The following GSN variants were observed in gnomAD, a reference collection of about 807,000 sequenced individuals.
GSN encodes the protein gelsolin.
A neutral mutation model predicts 85.7 loss-of-function variants in GSN; 56 were observed. The ratio of observed to expected loss-of-function variants is 0.65; its 90% confidence interval spans 0.53 to 0.82. The LOEUF is 0.82. GSN is among the 40% of genes least tolerant of loss of function. GSN has a pLI of 0.00. For synonymous variants in GSN, 373 were observed against 399.1 expected, an observed-to-expected ratio of 0.93 and a Z score of 0.78; for missense variants, 857 against 979.8, an observed-to-expected ratio of 0.87 and a Z score of 1.67.
At chr9:121,264,262 T>C (rs2055151256), upstream of GSN, among the ~76,000 whole-genome samples, 1 of 151,962 alleles carries the variant, frequency 6.6e-6, no homozygotes, top group African/African-American at 2.4e-5. Flanking sequence ...AAGACCAGTC[T>C]GGTAACATAG....
chr9:121,214,072 T>C (rs1473661202), intron 4 of GSN, among the ~76,000 whole-genome samples: 1 of 152,176 alleles, frequency 6.6e-6, no homozygotes, highest in Admixed American at 6.5e-5. Context: ...TAAAAGCACC[T>C]ACCTCACAGG....
intron 7 of GSN, among the ~76,000 whole-genome samples, chr9:121,316,707 G>C (rs1174159231): frequency 6.6e-6 from 1 of 152,198 alleles, no homozygotes; most frequent in Non-Finnish European, 1.5e-5. Context: ...CTGGGCTCAA[G>C]CCATCCACCC....
At chr9:121,325,980 G>T (rs907492233) in intron 12 of GSN, among the ~76,000 whole-genome samples, 1 of 151,762 alleles carries the variant, frequency 6.6e-6, no homozygotes, top group Admixed American at 6.6e-5. Flanking sequence ...CCGGGGCCAC[G>T]GTAAGGTGCC....
At chr9:121,238,822 T>C in intron 5 of GSN, 2 of 527,480 alleles carry the variant, frequency 3.8e-6, no homozygotes, top group Non-Finnish European at 7.7e-6. Flanking sequence ...TCATCTGAGC[T>C]AAGGGCTTCT....
intron 6 of GSN, among the ~76,000 whole-genome samples, chr9:121,257,528 C>G (rs1246985747): frequency 6.6e-6 from 1 of 152,166 alleles, no homozygotes; most frequent in African/African-American, 2.4e-5. Flanking sequence ...ATTGAACTCT[C>G]AAGAATTCTA....
intron 6 of GSN, among the ~76,000 whole-genome samples, chr9:121,256,291 G>A (rs1317779027): frequency 6.6e-6 from 1 of 152,144 alleles, no homozygotes; most frequent in Non-Finnish European, 1.5e-5. Context: ...TTACCTATAG[G>A]AGTAAGGAGC....
chr9:121,321,262 C>T lies in GSN; in HGVS notation c.1192-6C>T. 1 of 1,613,892 alleles carries T rather than the reference C, an allele frequency of 6.2e-7. No individual in the cohort carries two copies. Among genetic ancestry groups the T allele is most frequent in the Non-Finnish European group, 8.5e-7 (1 of 1,179,908 alleles). ...ACAGCATCTGACTCCAGCTTTGCTC[C>T]TGCAGATCTGGAGAATCGAAGGTTC... On this transcript the variant is annotated splice_polypyrimidine_tract_variant and splice_region_variant and intron_variant, in intron 10 of 17. Transcript: ENST00000432226.
At chr9:121,296,539 TC>T (rs2059238208) in intron 2 of GSN, among the ~76,000 whole-genome samples, 1 of 152,096 alleles carries the variant, frequency 6.6e-6, no homozygotes, top group Non-Finnish European at 1.5e-5. Context: ...GAAAGAGGCT[TC>T]GAGTCAGAGC....
Position 121,332,695 on chromosome 9 carries a change from T to C in GSN, c.*92T>C. ...CTTAGAGCGAGCAGAGCAGCTCTGC[T>C]ATGAGTGTGTGTGTGTGTGTGTGTT... On this transcript the variant is annotated 3_prime_UTR_variant, in exon 18 of 18. Coordinates refer to ENST00000432226, the MANE Select transcript of GSN (RefSeq NM_198252.3). This position sits in a 1 kb window ranked among gnomAD's most constrained non-coding sequence, Gnocchi z 4.8. 1.1e-6 allele frequency: 1 copy of C among 922,514 alleles called. No individual in the cohort carries two copies. The highest frequency in any genetic ancestry group is 1.4e-5 in the South Asian group (1 of 70,242). The allele number at this position is 922,514 out of a possible 1,614,324, so 57.1% of individuals were successfully genotyped here.
At chr9:121,268,573 C>T (rs907440932) in intron 1 of GSN, among the ~76,000 whole-genome samples, 1 of 152,198 alleles carries the variant, frequency 6.6e-6, no homozygotes, top group Non-Finnish European at 1.5e-5. Flanking sequence ...CTGACCCGGG[C>T]ATGCAGGGGA....
chr9:121,321,941 C>T (rs1347087580), intron 11 of GSN, among the ~76,000 whole-genome samples: 2 of 152,062 alleles, frequency 1.3e-5, no homozygotes, highest in Non-Finnish European at 2.9e-5. Context: ...CGGGGTTTCA[C>T]TATGTTGACC....
At chr9:121,231,259 CA>C (rs2054382580) in exon 5 of GSN, 1 of 152,212 alleles carries the variant, frequency 6.6e-6, no homozygotes, top group Non-Finnish European at 1.5e-5. Flanking sequence ...CTCTCATCAG[CA>C]AACGGCATTC....
chr9:121,252,562 C>T (rs1043103575), intron 6 of GSN, among the ~76,000 whole-genome samples: 1 of 152,184 alleles, frequency 6.6e-6, no homozygotes, highest in African/African-American at 2.4e-5. Context: ...GGGCTATAGG[C>T]AAAAGCCACA....
chr9:121,202,471 A>G, the GSN span, among the ~76,000 whole-genome samples: 9 of 152,122 alleles, frequency 5.9e-5, no homozygotes, highest in Non-Finnish European at 1.2e-4. Context: ...GTGACCCTGC[A>G]TTTCATCTCT....
intron 2 of GSN, among the ~76,000 whole-genome samples, chr9:121,294,688 C>T (rs776908101): frequency 3.3e-5 from 5 of 152,210 alleles, no homozygotes; most frequent in African/African-American, 1.2e-4. Context: ...CAGCCAGCCC[C>T]GATGGGGAGC....
intron 11 of GSN, among the ~76,000 whole-genome samples, chr9:121,323,112 T>G (rs2062697906): frequency 6.6e-6 from 1 of 152,172 alleles, no homozygotes; most frequent in Non-Finnish European, 1.5e-5. Flanking sequence ...ATTATAGGCA[T>G]GAGCCACCAC....
intron 6 of GSN, among the ~76,000 whole-genome samples, chr9:121,249,743 C>T (rs901591210): frequency 6.6e-6 from 1 of 152,150 alleles, no homozygotes; most frequent in Non-Finnish European, 1.5e-5. Flanking sequence ...TACCTGGGGA[C>T]TTTCTGCCCT....
rs537390308 is a variant in GSN at position 121,247,207 on chromosome 9, T to C, written c.-388-1069T>C. Reference sequence around the variant, plus strand: ...GGGCTTGCTCAAGTTCAGTGGTCATTGCAGCCCATGGATAGTCAGGAACCA... The same window carrying C: ...GGGCTTGCTCAAGTTCAGTGGTCATCGCAGCCCATGGATAGTCAGGAACCA... On this transcript the variant is annotated intron_variant, in intron 5 of 24. Transcript: ENST00000373823. 5.9e-5 allele frequency among the ~76,000 whole-genome samples: 9 copies of C among 152,242 alleles called. No homozygotes were observed. In the South Asian group the frequency reaches 1.9e-3, roughly 32 times the overall value.
At chr9:121,266,189 T>C (rs1219770955), upstream of GSN, among the ~76,000 whole-genome samples, 3 of 152,234 alleles carry the variant, frequency 2.0e-5, no homozygotes, top group African/African-American at 7.2e-5. Flanking sequence ...TTTGCTCTCC[T>C]GGCCTCAGTT....
Sources: allele counts gnomAD v4.1 joint callset (sites outside exome capture counted in the v4.1 genomes callset), GRCh38; gene constraint gnomAD v4.1.1; non-coding constraint Gnocchi (gnomAD v3.1); transcripts MANE v1.5; gene names NCBI Gene and HGNC (gene_info 2026-07-23, HGNC 2026-07-21).